Variants in NUF2 observed in about 807,000 individuals in gnomAD.
NUF2 encodes NUF2 component of NDC80 kinetochore complex, also known as kinetochore protein Nuf2.
A neutral mutation model predicts 61.8 loss-of-function variants in NUF2; 34 were observed. That is an observed-to-expected ratio of 0.55 (90% confidence interval 0.42 to 0.73). NUF2 has a LOEUF of 0.73. Among genes scored for constraint, NUF2 ranks in the 30% least tolerant of loss-of-function variants. The pLI is 0.00. For missense variants in NUF2, 445 were observed against 539.1 expected (o/e 0.83, Z 1.73); for synonymous variants, 172 against 181.6 (o/e 0.95, Z 0.42).
intron 7 of NUF2, among the ~76,000 whole-genome samples, chr1:163,338,726 C>G (rs1260167953): frequency 6.6e-6 from 1 of 151,964 alleles, no homozygotes; most frequent in Admixed American, 6.6e-5. Context: ...TAAATCAAAA[C>G]AAGAATGACA....
chr1:163,339,696 A>G (rs1310600965), intron 8 of NUF2, among the ~76,000 whole-genome samples: 1 of 152,086 alleles, frequency 6.6e-6, no homozygotes, highest in Non-Finnish European at 1.5e-5. Context: ...GTCTTATTGA[A>G]TAGAATTTTT....
intron 9 of NUF2, among the ~76,000 whole-genome samples, chr1:163,341,094 T>C (rs1484939429): frequency 6.6e-6 from 1 of 152,240 alleles, no homozygotes; most frequent in African/African-American, 2.4e-5. Context: ...TTCCTACCAG[T>C]AGAACAAGAG....
At position 163,355,353 on chromosome 1, in the gene NUF2, A is replaced by C. The variant is rs757317615; in HGVS notation, c.1279A>C (p.Lys427Gln). 1.2e-6 allele frequency: 2 copies of C among 1,600,114 alleles called. No homozygotes were observed. The highest frequency in any genetic ancestry group is 1.7e-6 in the Non-Finnish European group (2 of 1,173,592). Residue 427 changes from lysine (K) to glutamine (Q), a missense_variant, in exon 14 of 14, where the codon AAA becomes CAA. Physicochemically the swap from Lys to Gln is moderately conservative, Grantham distance 53. Transcript: ENST00000271452. ...LKSQEIFLNL[K>Q]TALEKYHDGI... ...TACTTAGGAAATATTTCTAAACTTG[A>C]AAACTGCTTTGGAGAAATACCACGA...
intron 5 of NUF2, among the ~76,000 whole-genome samples, chr1:163,334,035 A>G (rs550200991): frequency 1.3e-3 from 200 of 152,172 alleles, no homozygotes; most frequent in African/African-American, 4.5e-3. Flanking sequence ...TGTACCCATT[A>G]TTTATTTCCC....
At chr1:163,353,508 A>T (rs1394781738) in intron 13 of NUF2, among the ~76,000 whole-genome samples, 1 of 152,204 alleles carries the variant, frequency 6.6e-6, no homozygotes, top group Non-Finnish European at 1.5e-5. Flanking sequence ...TTTTAATTTC[A>T]TTTGATTAAA....
rs926692858 is a variant in NUF2, at chr1:163,345,614, G to C, written c.808-64G>C. The C allele has an allele frequency of 2.1e-6, 3 of 1,409,370 alleles. No homozygotes were observed. The African/African-American group carries it at 4.3e-5, about 20-fold the overall frequency. 87.3% of individuals were successfully genotyped at this position (1,409,370 alleles called of 1,614,324 possible). Reference sequence around the variant, plus strand: ...GAAATTATTTAAGAGCAAACAAATTGATATTACTGCAGCTTCATAAAGAAG... The same window carrying C: ...GAAATTATTTAAGAGCAAACAAATTCATATTACTGCAGCTTCATAAAGAAG... On this transcript the variant is annotated intron_variant, in intron 10 of 13. Transcript: ENST00000271452.
chr1:163,348,022 G>A (rs559064246), intron 12 of NUF2, 84 bp downstream of exon 12: 13 of 991,542 alleles, frequency 1.3e-5, no homozygotes, highest in South Asian at 1.2e-4. Flanking sequence ...TCAAAACCTC[G>A]GTATTTTCCA....
At chr1:163,324,900 CTTT>C (rs67548511) in intron 1 of NUF2, among the ~76,000 whole-genome samples, 5 of 122,964 alleles carry the variant, frequency 4.1e-5, no homozygotes, top group Admixed American at 8.0e-5. Flanking sequence ...TCTTTTCTTT[CTTT>C]TTTTTTTTTT....
At chr1:163,347,478 AC>A (rs1651171566) in intron 11 of NUF2, among the ~76,000 whole-genome samples, 1 of 151,948 alleles carries the variant, frequency 6.6e-6, no homozygotes, top group South Asian at 2.1e-4. Context: ...TCAGATCCTA[AC>A]CCCTCAACTC....
rs749149978 is a variant in NUF2, at chr1:163,326,190, G to A, written c.123+16G>A. On this transcript the variant is annotated intron_variant, in intron 2 of 13. Transcript: ENST00000271452. ...AAATCCAAAGGTAAAAGGTGGTTAC[G>A]TTTGCATGTGGATAATGGTATTTAG... 1.4e-5 allele frequency: 22 copies of A among 1,609,906 alleles called. No individual in the cohort carries two copies. Among genetic ancestry groups the A allele is most frequent in the East Asian group, 2.2e-5 (1 of 44,688 alleles).
intron 13 of NUF2, among the ~76,000 whole-genome samples, chr1:163,352,514 T>A (rs1244271296): frequency 6.6e-6 from 1 of 152,208 alleles, no homozygotes; most frequent in Non-Finnish European, 1.5e-5. Flanking sequence ...GCTTCACACT[T>A]GATTCAGAGA....
At chr1:163,349,747 A>G (rs1651249988) in intron 13 of NUF2, among the ~76,000 whole-genome samples, 1 of 152,162 alleles carries the variant, frequency 6.6e-6, no homozygotes, top group African/African-American at 2.4e-5. Flanking sequence ...TGTTGTTAGC[A>G]CTTGCACATG....
In NUF2 at chr1:163,348,938, C is replaced by G. The variant is rs1651220569; in HGVS notation, c.1125-7C>G. Reference sequence around the variant, plus strand: ...ATTAAATATTAGCTGTCTCGATTTTCTTTCAGGGATTGCAATAAAGTTCAA... The same window carrying G: ...ATTAAATATTAGCTGTCTCGATTTTGTTTCAGGGATTGCAATAAAGTTCAA... On this transcript the variant is annotated splice_region_variant and splice_polypyrimidine_tract_variant and intron_variant, in intron 12 of 13. Transcript: ENST00000271452. 1.3e-6 allele frequency: 2 copies of G among 1,599,942 alleles called. No homozygotes were observed. Among genetic ancestry groups the G allele is most frequent in the Non-Finnish European group, 1.7e-6 (2 of 1,176,766 alleles).
intron 9 of NUF2, among the ~76,000 whole-genome samples, chr1:163,342,930 A>G (rs959588385): frequency 9.2e-5 from 14 of 152,154 alleles, no homozygotes; most frequent in Non-Finnish European, 1.9e-4. Context: ...ATATATCTGG[A>G]AAATCTTTCC....
intron 5 of NUF2, among the ~76,000 whole-genome samples, chr1:163,330,555 C>G (rs1389852763): frequency 1.3e-5 from 2 of 152,076 alleles, no homozygotes; most frequent in Admixed American, 1.3e-4. Context: ...CTTTGCATCT[C>G]TATATGTATT....
intron 5 of NUF2, among the ~76,000 whole-genome samples, chr1:163,330,924 G>A (rs932054592): frequency 3.2e-4 from 40 of 126,534 alleles, no homozygotes; most frequent in South Asian, 1.3e-3. Flanking sequence ...TATTATTTGA[G>A]TAGATTTTTT....
chr1:163,340,108 C>T (rs1404014902), intron 8 of NUF2: 4 of 410,108 alleles, frequency 9.8e-6, no homozygotes, highest in Non-Finnish European at 1.7e-5. Flanking sequence ...TTTTTTCTTT[C>T]AACTTATATG....
chr1:163,352,761 G>A (rs1651364716), intron 13 of NUF2, among the ~76,000 whole-genome samples: 4 of 152,264 alleles, frequency 2.6e-5, no homozygotes, highest in Middle Eastern at 3.4e-3. Flanking sequence ...AGCTACTCAG[G>A]AAGCTGAGGC....
chr1:163,328,992 A>AG, intron 5 of NUF2, 85 bp downstream of exon 5: 1 of 700,372 alleles, frequency 1.4e-6, no homozygotes, highest in Non-Finnish European at 2.3e-6. Flanking sequence ...AAAAAAAAAA[A>AG]AGGAAAAAAA....
Sources: allele counts gnomAD v4.1 joint callset (sites outside exome capture counted in the v4.1 genomes callset), GRCh38; gene constraint gnomAD v4.1.1; transcripts MANE v1.5; gene names NCBI Gene and HGNC (gene_info 2026-07-23, HGNC 2026-07-21).